The following PTPN21 variants were observed in gnomAD, a reference collection of about 807,000 sequenced individuals.
PTPN21 encodes protein tyrosine phosphatase non-receptor type 21.
A neutral mutation model predicts 131.8 loss-of-function variants in PTPN21; 77 were observed. The observed-to-expected ratio is 0.58, with a 90% CI of 0.49 to 0.71. The LOEUF (loss-of-function observed/expected upper bound fraction) is 0.71. Among genes scored for constraint, PTPN21 ranks in the 30% least tolerant of loss-of-function variants. The pLI is 0.00. For missense variants in PTPN21, 1,552 were observed against 1,527.1 expected (o/e 1.02, Z -0.27); for synonymous variants, 715 against 621.3 (o/e 1.15, Z -2.24).
intron 2 of PTPN21, among the ~76,000 whole-genome samples, chr14:88,529,569 C>A (rs965247363): frequency 2.0e-5 from 3 of 152,116 alleles, no homozygotes; most frequent in African/African-American, 7.2e-5. Context: ...CTTCCCTGGT[C>A]TTGCTAGAGA....
intron 12 of PTPN21, among the ~76,000 whole-genome samples, chr14:88,482,840 C>T (rs1463187466): frequency 1.3e-5 from 2 of 151,500 alleles, no homozygotes; most frequent in East Asian, 2.0e-4. Context: ...CCCAGAGGGC[C>T]GCTTTAACAG....
chr14:88,518,273 T>TATATATATATATATATATATACAC (rs763756368), intron 2 of PTPN21, among the ~76,000 whole-genome samples: 4 of 68,224 alleles, frequency 5.9e-5, no homozygotes, highest in African/African-American at 2.9e-4. Flanking sequence ...TATATATATA[T>TATATATATATATATATATATACAC]ACACACACAC....
chr14:88,547,316 G>A (rs960854138), intron 2 of PTPN21, among the ~76,000 whole-genome samples: 19 of 94,792 alleles, frequency 2.0e-4, no homozygotes, highest in African/African-American at 5.3e-4. Flanking sequence ...AAAAAAAGTC[G>A]AAGCAACCAA....
chr14:88,494,288 G>A (rs2140120602), intron 10 of PTPN21, among the ~76,000 whole-genome samples: 1 of 152,232 alleles, frequency 6.6e-6, no homozygotes, highest in Admixed American at 6.5e-5. Context: ...TACCACTGTG[G>A]CTGGAACAGA....
At chr14:88,554,577 C>G (rs1210809258) in intron 1 of PTPN21, 74 bp downstream of exon 1, 1 of 150,824 alleles carries the variant, frequency 6.6e-6, no homozygotes, top group Admixed American at 6.6e-5. Context: ...GCTCCGGGGT[C>G]CGGGCGAGTG....
rs138783591 is a variant in PTPN21 at position 88,476,723 on chromosome 14, G to A, written c.2511+2197C>T. On this transcript the variant is annotated intron_variant, in intron 13 of 18. Coordinates refer to ENST00000556564, the MANE Select transcript of PTPN21 (RefSeq NM_007039.4). Reference sequence around the variant, plus strand: ...GGCAGGCTCTAGACTCAGCCCCAACGTTCTTAACTTGTAGGACCTTTGCTC... The same window carrying A: ...GGCAGGCTCTAGACTCAGCCCCAACATTCTTAACTTGTAGGACCTTTGCTC... 1.2e-3 allele frequency among the ~76,000 whole-genome samples: 190 copies of A among 152,248 alleles called. 1 individual carries two copies. Among genetic ancestry groups the A allele is most frequent in the African/African-American group, 4.5e-3 (185 of 41,548 alleles).
At chr14:88,521,078 A>G (rs1042236812) in intron 2 of PTPN21, among the ~76,000 whole-genome samples, 1 of 151,860 alleles carries the variant, frequency 6.6e-6, no homozygotes. Context: ...AACTGGCTTC[A>G]AGTGATCTTC....
intron 2 of PTPN21, among the ~76,000 whole-genome samples, chr14:88,525,856 A>G (rs1177260486): frequency 6.6e-6 from 1 of 152,262 alleles, no homozygotes; most frequent in Non-Finnish European, 1.5e-5. Flanking sequence ...CATACAATGA[A>G]CATTCAGCCA....
At chr14:88,511,077 T>A (rs1165009673) in intron 3 of PTPN21, among the ~76,000 whole-genome samples, 1 of 152,054 alleles carries the variant, frequency 6.6e-6, no homozygotes, top group African/African-American at 2.4e-5. Context: ...CACAGCTGGC[T>A]AAATTTTTTT....
intron 3 of PTPN21, among the ~76,000 whole-genome samples, chr14:88,511,442 G>T (rs1306058689): frequency 5.9e-5 from 9 of 152,148 alleles, no homozygotes; most frequent in Admixed American, 5.2e-4. Context: ...GGAGGCTGAG[G>T]CAGGTGGATC....
At chr14:88,518,416 T>TATATA (rs2078334519) in intron 2 of PTPN21, among the ~76,000 whole-genome samples, 9 of 7,800 alleles carry the variant, frequency 1.2e-3, no homozygotes, top group East Asian at 9.8e-3. Flanking sequence ...ATATATATAT[T>TATATA]TTTTTTTTTT....
intron 2 of PTPN21, among the ~76,000 whole-genome samples, chr14:88,541,753 G>A (rs575877037): frequency 1.4e-4 from 21 of 152,216 alleles, no homozygotes; most frequent in Admixed American, 3.3e-4. Flanking sequence ...AAGGGTCAGC[G>A]AGGGGAGGCT....
At chr14:88,480,468 G>T (rs2077637436) in intron 12 of PTPN21, 116 bp from the exon 13 acceptor site, 3 of 853,312 alleles carry the variant, frequency 3.5e-6, no homozygotes, top group Non-Finnish European at 5.3e-6. Context: ...AAAAATCCCC[G>T]CTAGAATGAC....
rs138264957 is a variant in PTPN21 at position 88,517,742 on chromosome 14, C to T, written c.181-481G>A. On this transcript the variant is annotated intron_variant, in intron 2 of 18. Transcript: ENST00000556564. Reference sequence around the variant, plus strand: ...TATGTGTATATATACTATATATACACGTGTGTATATACTAGTGTATATACA... The same window carrying T: ...TATGTGTATATATACTATATATACATGTGTGTATATACTAGTGTATATACA... Among the ~76,000 whole-genome samples, 588 of 103,970 alleles carry T rather than the reference C, an allele frequency of 5.7e-3. 3 individuals carry two copies. Among genetic ancestry groups the T allele is most frequent in the Non-Finnish European group, 8.2e-3 (437 of 53,504 alleles). The allele number at this position is 103,970 out of a possible 152,430, so 68.2% of individuals were successfully genotyped here.
intron 2 of PTPN21, among the ~76,000 whole-genome samples, chr14:88,517,687 CAT>C (rs779577508): frequency 7.8e-5 from 11 of 140,188 alleles, no homozygotes; most frequent in East Asian, 3.1e-4. Context: ...TGTATATATA[CAT>C]ATGTGTGCGT....
Position 88,521,566 on chromosome 14 carries a change from C to CTTTT in PTPN21, c.181-4309_181-4306dup, listed in dbSNP as rs11407992. 3.0e-3 allele frequency among the ~76,000 whole-genome samples: 394 copies of CTTTT among 131,442 alleles called. 6 individuals are homozygous for CTTTT. The highest frequency in any genetic ancestry group is 6.2e-3 in the African/African-American group (220 of 35,464). 86.2% of individuals were successfully genotyped at this position (131,442 alleles called of 152,430 possible). On this transcript the variant is annotated intron_variant, in intron 2 of 18. Transcript: ENST00000556564. ...TACAGGCACCCGCCACCACGCCCAA[C>CTTTT]TTTTTTTTTTTTTTTTTGCATTTTT...
intron 4 of PTPN21, among the ~76,000 whole-genome samples, chr14:88,507,607 T>C (rs2078111507): frequency 6.6e-6 from 1 of 152,222 alleles, no homozygotes; most frequent in African/African-American, 2.4e-5. Context: ...ATGAGGTCTT[T>C]TGTTGAACAA....
intron 2 of PTPN21, among the ~76,000 whole-genome samples, chr14:88,544,553 A>G (rs1420389167): frequency 6.6e-6 from 1 of 152,206 alleles, no homozygotes; most frequent in African/African-American, 2.4e-5. Context: ...TCAAGTAGGT[A>G]CTATTATTAT....
chr14:88,470,973 GGCT>G (rs1306703441), intron 15 of PTPN21, among the ~76,000 whole-genome samples: 1 of 152,158 alleles, frequency 6.6e-6, no homozygotes, highest in Non-Finnish European at 1.5e-5. Context: ...TTCTGCAAGT[GGCT>G]GCTGAAGATT....
Sources: allele counts gnomAD v4.1 joint callset (sites outside exome capture counted in the v4.1 genomes callset), GRCh38; gene constraint gnomAD v4.1.1; transcripts MANE v1.5; gene names NCBI Gene and HGNC (gene_info 2026-07-23, HGNC 2026-07-21).